FHIT: variants seen among roughly 807,000 people sequenced by gnomAD.
FHIT encodes bis(5'-adenosyl)-triphosphatase.
FHIT carries 19 observed loss-of-function variants against 17.9 expected under a neutral mutation model. The ratio of observed to expected loss-of-function variants is 1.06; its 90% CI spans 0.74 to 1.56. FHIT has a LOEUF of 1.56. Among genes scored for constraint, FHIT ranks in the 40% most tolerant of loss-of-function variants. FHIT has a pLI of 0.00. For synonymous variants in FHIT, 81 were observed against 69.7 expected (o/e 1.16, Z -0.81); for missense variants, 248 against 189.2 (o/e 1.31, Z -1.82).
At chr3:60,861,411 A>G (rs1057126978) in intron 3 of FHIT, among the ~76,000 whole-genome samples, 1 of 150,580 alleles carries the variant, frequency 6.6e-6, no homozygotes, top group Non-Finnish European at 1.5e-5. Context: ...GGGCTGTCCT[A>G]TGCATTGTAG....
intron 5 of FHIT, among the ~76,000 whole-genome samples, chr3:60,073,592 C>G (rs1702876884): frequency 1.3e-5 from 2 of 152,080 alleles, no homozygotes; most frequent in African/African-American, 2.4e-5. Context: ...GCTTCTCTAA[C>G]CCCTCATCGT....
intron 8 of FHIT, among the ~76,000 whole-genome samples, chr3:59,787,198 A>G (rs1485190338): frequency 2.6e-5 from 4 of 152,190 alleles, no homozygotes; most frequent in African/African-American, 4.8e-5. Flanking sequence ...AACATGCTCA[A>G]TATCTCCCAG....
intron 5 of FHIT, among the ~76,000 whole-genome samples, chr3:60,215,470 G>A (rs1703656511): frequency 6.6e-6 from 1 of 152,116 alleles, no homozygotes; most frequent in Non-Finnish European, 1.5e-5. Context: ...GGCTAAGGCA[G>A]GAGAATCACT....
In FHIT at chr3:60,470,058, T is replaced by TTCTCTC. The variant is rs796525437; in HGVS notation, c.103+66796_103+66801dup. 2.0e-4 allele frequency among the ~76,000 whole-genome samples: 29 copies of TTCTCTC among 143,040 alleles called. No homozygotes were observed. The Middle Eastern group carries it at 0.01, about 51-fold the overall frequency. 93.8% of individuals were successfully genotyped at this position (143,040 alleles called of 152,430 possible). A position where few individuals can be genotyped will look rare whatever the true frequency, so the allele number is the denominator to read the frequency against. On this transcript the variant is annotated intron_variant, in intron 5 of 9. Transcript: ENST00000492590. The stretch of plus-strand genomic sequence containing the variant: ...TCTCTCCCCTCTCCTCTCTCTTTCT[T>TTCTCTC]TCTCTCTCTCTCTCTCTCTCTCCAG...
chr3:60,852,612 C>G (rs1052831063), intron 3 of FHIT, among the ~76,000 whole-genome samples: 1 of 152,108 alleles, frequency 6.6e-6, no homozygotes, highest in African/African-American at 2.4e-5. Flanking sequence ...CTCTAGAACT[C>G]TTTTAGGCAC....
chr3:60,614,343 G>T (rs1225293812), intron 4 of FHIT, among the ~76,000 whole-genome samples: 1 of 152,148 alleles, frequency 6.6e-6, no homozygotes, highest in African/African-American at 2.4e-5. Context: ...CAGTGTGGTG[G>T]CTCACACCTA....
chr3:60,164,191 A>G (rs1701057256), intron 5 of FHIT, among the ~76,000 whole-genome samples: 1 of 152,210 alleles, frequency 6.6e-6, no homozygotes, highest in South Asian at 2.1e-4. Context: ...GGGGAAATGA[A>G]TCCCTGGCAG....
At chr3:60,988,973 A>C (rs868351167) in intron 3 of FHIT, among the ~76,000 whole-genome samples, 24 of 141,810 alleles carry the variant, frequency 1.7e-4, no homozygotes, top group African/African-American at 4.7e-4. Flanking sequence ...AAAAAAAAAA[A>C]AACAAGATAA....
At chr3:60,196,572 T>G (rs558608984) in intron 5 of FHIT, among the ~76,000 whole-genome samples, 1 of 152,038 alleles carries the variant, frequency 6.6e-6, no homozygotes, top group South Asian at 2.1e-4. Context: ...GTGTTGGGGA[T>G]TAGAATTAAT....
chr3:60,208,340 C>T (rs569122942), intron 5 of FHIT, among the ~76,000 whole-genome samples: 5 of 152,068 alleles, frequency 3.3e-5, no homozygotes, highest in Non-Finnish European at 7.4e-5. Flanking sequence ...TTTGCCAAAT[C>T]AGAGGTAGGC....
chr3:61,215,676 C>T (rs866972675), intron 1 of FHIT, among the ~76,000 whole-genome samples: 13 of 152,144 alleles, frequency 8.5e-5, no homozygotes, highest in East Asian at 7.7e-4. Context: ...AAAAAGAGCC[C>T]GCATCACCAA....
chr3:60,271,927 AGT>A (rs1706885783), intron 5 of FHIT, among the ~76,000 whole-genome samples: 1 of 152,182 alleles, frequency 6.6e-6, no homozygotes, highest in African/African-American at 2.4e-5. Flanking sequence ...TGTAGTACCA[AGT>A]GCTTTATGTA....
At chr3:61,124,657 G>A (rs150707287) in intron 2 of FHIT, among the ~76,000 whole-genome samples, 16 of 152,174 alleles carry the variant, frequency 1.1e-4, no homozygotes, top group South Asian at 6.2e-4. Flanking sequence ...ATACTCTTTC[G>A]CGATATATAT....
chr3:60,304,077 CCTT>C (rs1708561126), intron 5 of FHIT, among the ~76,000 whole-genome samples: 1 of 152,126 alleles, frequency 6.6e-6, no homozygotes, highest in Admixed American at 6.5e-5. Flanking sequence ...TTCCTTCTCT[CCTT>C]CTTTACGTAG....
intron 4 of FHIT, among the ~76,000 whole-genome samples, chr3:60,585,266 T>C (rs2037869911): frequency 6.6e-6 from 1 of 151,944 alleles, no homozygotes; most frequent in African/African-American, 2.4e-5. Flanking sequence ...CCTGAAACGA[T>C]ACAACACATT....
chr3:60,010,706 A>G (rs1282420974), intron 7 of FHIT, among the ~76,000 whole-genome samples: 1 of 152,208 alleles, frequency 6.6e-6, no homozygotes, highest in African/African-American at 2.4e-5. Flanking sequence ...CTTCTGAATC[A>G]GCCAGGATTT....
chr3:60,574,148 A>T (rs2107668331), intron 4 of FHIT, among the ~76,000 whole-genome samples: 1 of 152,040 alleles, frequency 6.6e-6, no homozygotes, highest in Middle Eastern at 3.4e-3. Flanking sequence ...CTACTTTCCG[A>T]TTTAAACAAT....
chr3:59,992,649 C>T (rs750011391), intron 7 of FHIT, among the ~76,000 whole-genome samples: 3 of 152,054 alleles, frequency 2.0e-5, no homozygotes, highest in Non-Finnish European at 4.4e-5. Flanking sequence ...GAGTTTTTCC[C>T]ATAAGAGATC....
chr3:60,246,502 G>C (rs1026887306), intron 5 of FHIT, among the ~76,000 whole-genome samples: 1 of 152,082 alleles, frequency 6.6e-6, no homozygotes, highest in African/African-American at 2.4e-5. Context: ...GAAAATGGGA[G>C]TCTTTAATTA....
Sources: allele counts gnomAD v4.1 joint callset (sites outside exome capture counted in the v4.1 genomes callset), GRCh38; gene constraint gnomAD v4.1.1; transcripts MANE v1.5; gene names NCBI Gene and HGNC (gene_info 2026-07-23, HGNC 2026-07-21).